Variants in MROH1 observed in about 807,000 individuals in gnomAD.
MROH1 encodes the protein maestro heat-like repeat-containing protein family member 1.
In MROH1, 117 loss-of-function variants were observed where a neutral mutation model predicts 116.5. The ratio of observed to expected loss-of-function variants is 1.00; its 90% CI spans 0.86 to 1.17. The LOEUF is 1.17. Ranked by LOEUF, MROH1 falls within the 50% of genes most tolerant of loss-of-function variation. The pLI is 0.00. For missense variants in MROH1, 1,873 were observed against 1,338.5 expected (o/e 1.40, Z -6.23); for synonymous variants, 921 against 583.9 (o/e 1.58, Z -8.32).
At chr8:144,154,216 C>G (rs1817523480) in intron 1 of MROH1, among the ~76,000 whole-genome samples, 1 of 152,050 alleles carries the variant, frequency 6.6e-6, no homozygotes, top group Non-Finnish European at 1.5e-5. Flanking sequence ...AGGCACGTGC[C>G]ACCACGCCGG....
At chr8:144,151,969 G>A (rs981599036) in intron 1 of MROH1, among the ~76,000 whole-genome samples, 10 of 152,190 alleles carry the variant, frequency 6.6e-5, no homozygotes, top group African/African-American at 2.2e-4. Flanking sequence ...TATGTCTGCC[G>A]GCGATCTCTC....
intron 14 of MROH1, among the ~76,000 whole-genome samples, chr8:144,227,478 C>T (rs2132531294): frequency 6.6e-6 from 1 of 151,964 alleles, no homozygotes; most frequent in Admixed American, 6.6e-5. Flanking sequence ...AACCCCATTT[C>T]CACAAAAAAT....
chr8:144,250,508 G>A (rs1251156171), intron 33 of MROH1, 142 bp downstream of exon 33: 10 of 696,432 alleles, frequency 1.4e-5, no homozygotes, highest in East Asian at 2.7e-5. Flanking sequence ...GGGACAGAAA[G>A]TGACATGGAG....
At chr8:144,208,231 A>C (rs1254813177) in intron 12 of MROH1, among the ~76,000 whole-genome samples, 3 of 152,218 alleles carry the variant, frequency 2.0e-5, no homozygotes, top group Non-Finnish European at 4.4e-5. Flanking sequence ...GGCGTGAGCC[A>C]CCACACCCGG....
At position 144,180,164 on chromosome 8, in the gene MROH1, T is replaced by A. The variant is rs755036288; in HGVS notation, c.301-14T>A. On this transcript the variant is annotated splice_polypyrimidine_tract_variant and intron_variant, in intron 5 of 43. Coordinates refer to ENST00000326134, the MANE Select transcript of MROH1 (RefSeq NM_032450.3). This position sits in a 1 kb window ranked among gnomAD's most constrained non-coding sequence, Gnocchi z 7.4. ...TCTTGCCTTTTGGTCTACCTGCCGG[T>A]GTTTTGGGTTCAGGACCTGGTCTGG... 6.2e-7 allele frequency: 1 copy of A among 1,613,324 alleles called. No individual in the cohort carries two copies. The highest frequency in any genetic ancestry group is 8.5e-7 in the Non-Finnish European group (1 of 1,179,446).
chr8:144,234,534 T>TTTTTTTTTTTTTTTTTTTTTTC (rs1588395719), intron 14 of MROH1, among the ~76,000 whole-genome samples: 1 of 120,836 alleles, frequency 8.3e-6, no homozygotes, highest in Non-Finnish European at 1.6e-5. Flanking sequence ...TTTTTTTTTT[T>TTTTTTTTTTTTTTTTTTTTTTC]CAAAAAGAGT....
chr8:144,205,277 A>G (rs1440407629), intron 12 of MROH1, among the ~76,000 whole-genome samples: 1 of 152,166 alleles, frequency 6.6e-6, no homozygotes, highest in Non-Finnish European at 1.5e-5. Context: ...CTTTCAGTCC[A>G]TGGTCCAGAG....
intron 35 of MROH1, among the ~76,000 whole-genome samples, chr8:144,258,280 TCGG>T (rs1448883188): frequency 3.9e-5 from 6 of 152,264 alleles, no homozygotes; most frequent in African/African-American, 1.4e-4. Flanking sequence ...CCTCCAGCTC[TCGG>T]CACCATCCTC....
Position 144,238,968 on chromosome 8 carries a change from C to T in MROH1, c.1447-67C>T, listed in dbSNP as rs938159040. On this transcript the variant is annotated intron_variant, in intron 15 of 43. Coordinates refer to ENST00000326134, the MANE Select transcript of MROH1 (RefSeq NM_032450.3). ...AGGGTCTGTCTCCACCTTGGAGCTC[C>T]GGCAGGGCCCTGTCTGCATGGGACC... 17,707 of 771,048 alleles carry T rather than the reference C, an allele frequency of 0.023. 2,061 individuals are homozygous for T. The African/African-American group carries it at 0.26, about 11-fold the overall frequency. The allele number at this position is 771,048 out of a possible 1,614,324, so 47.8% of individuals were successfully genotyped here.
chr8:144,199,365 A>G (rs1464619617), intron 11 of MROH1, among the ~76,000 whole-genome samples, 165 bp downstream of exon 11: 3 of 152,096 alleles, frequency 2.0e-5, no homozygotes, highest in Admixed American at 2.0e-4. Flanking sequence ...CCTCTGAACC[A>G]GGGCCTGGGC....
chr8:144,246,145 C>T (rs1430016748), intron 29 of MROH1, among the ~76,000 whole-genome samples: 4 of 147,686 alleles, frequency 2.7e-5, no homozygotes, highest in Non-Finnish European at 6.0e-5. Flanking sequence ...GTCTCTCGCT[C>T]TCACCCAGGC....
chr8:144,250,041 G>C (rs1429192318), intron 32 of MROH1, among the ~76,000 whole-genome samples, 171 bp from the exon 33 acceptor site: 5 of 152,184 alleles, frequency 3.3e-5, no homozygotes, highest in African/African-American at 1.2e-4. Flanking sequence ...TTGGCTTCTG[G>C]GCTGTCCGTG....
chr8:144,174,377 G>A (rs1823276188), intron 4 of MROH1, among the ~76,000 whole-genome samples: 1 of 151,960 alleles, frequency 6.6e-6, no homozygotes, highest in Non-Finnish European at 1.5e-5. Flanking sequence ...TCACTATCAT[G>A]GGGATTACAG....
At chr8:144,203,547 G>A (rs1196229993) in intron 12 of MROH1, among the ~76,000 whole-genome samples, 1 of 150,462 alleles carries the variant, frequency 6.6e-6, no homozygotes, top group Non-Finnish European at 1.5e-5. Flanking sequence ...AGGAGCGCCC[G>A]CTCTCTGGAG....
chr8:144,167,646 C>T (rs942216536), intron 3 of MROH1, among the ~76,000 whole-genome samples: 9 of 152,152 alleles, frequency 5.9e-5, no homozygotes, highest in African/African-American at 2.2e-4. Flanking sequence ...CCTGCCCTTT[C>T]CCATGTACAG....
In MROH1 at chr8:144,239,381, A is replaced by C; in HGVS notation, c.1632+18A>C. On this transcript the variant is annotated intron_variant, in intron 17 of 43. Coordinates refer to ENST00000326134, the MANE Select transcript of MROH1 (RefSeq NM_032450.3). ...GACTGTTGGTGAGCCTCGCCCTTTCACAGCGTGCCCAGCGCCCCACTCTGT... is the reference window on the plus strand; with the variant it reads ...GACTGTTGGTGAGCCTCGCCCTTTCCCAGCGTGCCCAGCGCCCCACTCTGT... The C allele has an allele frequency of 1.3e-6, 1 of 779,984 alleles. No homozygotes were observed. Among genetic ancestry groups the C allele is most frequent in the Non-Finnish European group, 2.4e-6 (1 of 417,784 alleles). The allele number at this position is 779,984 out of a possible 1,614,324, so 48.3% of individuals were successfully genotyped here. A position where few individuals can be genotyped will look rare whatever the true frequency, so the allele number is the denominator to read the frequency against.
At chr8:144,200,566 C>A in intron 12 of MROH1, 25 bp downstream of exon 12, 1 of 1,499,702 alleles carries the variant, frequency 6.7e-7, no homozygotes, top group Non-Finnish European at 9.1e-7. Flanking sequence ...GCTAGCCTGG[C>A]CGCCACCCCT....
At chr8:144,260,142 A>G (rs1037552327) in intron 38 of MROH1, 44 bp from the exon 39 acceptor site, 23 of 760,608 alleles carry the variant, frequency 3.0e-5, no homozygotes, top group Middle Eastern at 2.3e-4. Flanking sequence ...GTGGGGTAGC[A>G]GACGGTGACT....
intron 7 of MROH1, among the ~76,000 whole-genome samples, chr8:144,186,050 G>A (rs147308163): frequency 1.8e-4 from 27 of 152,126 alleles, no homozygotes; most frequent in African/African-American, 6.3e-4. Flanking sequence ...CGTGGGCTCC[G>A]CAGTGGGCTC....
Sources: gnomAD v4.1 joint callset for allele counts (sites outside exome capture counted in the v4.1 genomes callset) on GRCh38, gnomAD v4.1.1 for gene constraint, Gnocchi (gnomAD v3.1) non-coding constraint, MANE v1.5 for transcripts, NCBI Gene and HGNC (gene_info 2026-07-23, HGNC 2026-07-21) for gene names.